The following CCND1 variants were observed in gnomAD, a reference collection of about 807,000 sequenced individuals.
CCND1 encodes cyclin D1.
A neutral mutation model predicts 26.1 loss-of-function variants in CCND1; 9 were observed. The observed-to-expected ratio is 0.35, with a 90% CI of 0.21 to 0.60. The LOEUF (loss-of-function observed/expected upper bound fraction) is 0.60. Ranked by LOEUF, CCND1 falls within the 20% of genes least tolerant of loss-of-function variation. The pLI is 0.79. For synonymous variants in CCND1, 194 were observed against 166.1 expected (o/e 1.17, Z -1.29); for missense variants, 335 against 392.9 (o/e 0.85, Z 1.25).
intron 3 of CCND1, among the ~76,000 whole-genome samples, chr11:69,644,779 T>G (rs1463558507): frequency 6.6e-6 from 1 of 152,152 alleles, no homozygotes; most frequent in Admixed American, 6.5e-5. Flanking sequence ...TGTGACCGCC[T>G]CCTTCCCTGG....
chr11:69,645,229 A>T (rs945213100), intron 3 of CCND1, among the ~76,000 whole-genome samples: 1 of 152,172 alleles, frequency 6.6e-6, no homozygotes, highest in Non-Finnish European at 1.5e-5. Flanking sequence ...GGTGCTCCTC[A>T]GAGGAGAGAG....
In CCND1 at chr11:69,651,247, T is replaced by A. The variant is rs754752470; in HGVS notation, c.853T>A (p.Cys285Ser). The change falls in exon 5 of 5, where the codon TGC becomes AGC. Residue 285 changes from cysteine (C) to serine (S), a missense_variant. Transcript: ENST00000227507. ...EEEEEEVDLA[C>S]TPTDVRDVDI is the part of the protein sequence containing the mutation. ...GGAGGAGGAGGAGGTGGACCTGGCT[T>A]GCACACCCACCGACGTGCGGGACGT... 1.3e-6 allele frequency: 2 copies of A among 1,583,678 alleles called. No homozygotes were observed. Among genetic ancestry groups the A allele is most frequent in the South Asian group, 2.3e-5 (2 of 88,230 alleles).
In CCND1 at chr11:69,653,136, C is replaced by A. The variant is rs1855875395; in HGVS notation, c.*1854C>A. On this transcript the variant is annotated 3_prime_UTR_variant, in exon 5 of 5. Coordinates refer to ENST00000227507, the MANE Select transcript of CCND1 (RefSeq NM_053056.3). ...AAGGGAGGTGGCAAGAGTGTGGAGG[C>A]TGACGTGTGAGGGAGGACAGGCGGG... The A allele has an allele frequency of 3.4e-6, 2 of 583,182 alleles. No individual in the cohort carries two copies. The highest frequency in any genetic ancestry group is 5.7e-4 in the Middle Eastern group (2 of 3,538). The allele number at this position is 583,182 out of a possible 1,614,324, so 36.1% of individuals were successfully genotyped here.
intron 2 of CCND1, 79 bp from the exon 3 acceptor site, chr11:69,643,753 G>C (rs1052003112): frequency 1.4e-6 from 2 of 1,427,294 alleles, no homozygotes; most frequent in Non-Finnish European, 9.6e-7. Flanking sequence ...GGCGTGGCCC[G>C]GCCCCCGTGC....
intron 2 of CCND1, 79 bp from the exon 3 acceptor site, chr11:69,643,753 G>A (rs1052003112): frequency 2.1e-6 from 3 of 1,427,290 alleles, no homozygotes; most frequent in Non-Finnish European, 2.9e-6. Context: ...GGCGTGGCCC[G>A]GCCCCCGTGC....
chr11:69,651,524 G>A lies in CCND1; in HGVS notation c.*242G>A, dbSNP rs1204132747. On this transcript the variant is annotated 3_prime_UTR_variant, in exon 5 of 5. Coordinates refer to ENST00000227507, the MANE Select transcript of CCND1 (RefSeq NM_053056.3). ...GAGAGAGAAAAAAAAAATAGTATTT[G>A]CATAACCCTGAGCGGTGGGGGAGGA... The A allele has an allele frequency of 4.9e-6, 2 of 407,476 alleles. No homozygotes were observed. Among genetic ancestry groups the A allele is most frequent in the Non-Finnish European group, 8.7e-6 (2 of 230,922 alleles). 25.2% of individuals were successfully genotyped at this position (407,476 alleles called of 1,614,324 possible).
rs748632355 is a variant in CCND1 at position 69,641,498 on chromosome 11, C to T, written c.185C>T (p.Thr62Ile). The change falls in exon 1 of 5, where the codon ACC (threonine) becomes ATC (isoleucine). Residue 62 changes from threonine to isoleucine, a missense_variant. Thr to Ile is a moderately conservative substitution (Grantham distance 89, BLOSUM62 -1). Coordinates refer to ENST00000227507, the MANE Select transcript of CCND1 (RefSeq NM_053056.3). ...VLPSMRKIVA[T>I]WMLEVCEEQK... The stretch of plus-strand genomic sequence containing the variant: ...CCGTCCATGCGGAAGATCGTCGCCA[C>T]CTGGATGCTGGAGGTGCGGGGCTTC... 6.2e-7 allele frequency: 1 copy of T among 1,613,134 alleles called. No individual in the cohort carries two copies. Among genetic ancestry groups the T allele is most frequent in the Admixed American group, 1.7e-5 (1 of 60,016 alleles).
chr11:69,643,187 C>A lies in CCND1; in HGVS notation c.355C>A (p.Leu119Met). Residue 119 changes from leucine (L) to methionine (M), a missense_variant, in exon 2 of 5, where the codon CTG becomes ATG. By Grantham distance (15) the Leu-to-Met change is conservative (BLOSUM62 2). Transcript: ENST00000227507. ...CTCTAAGATGAAGGAGACCATCCCCCTGACGGCCGAGAAGCTGTGCATCTA... is the reference window on the plus strand; with the variant it reads ...CTCTAAGATGAAGGAGACCATCCCCATGACGGCCGAGAAGCTGTGCATCTA... ...VASKMKETIPLTAEKLCIYTD... is the reference protein window; with the variant it reads ...VASKMKETIPMTAEKLCIYTD... 1 of 1,606,726 alleles carries A rather than the reference C, an allele frequency of 6.2e-7. No homozygotes were observed. Among genetic ancestry groups the A allele is most frequent in the Non-Finnish European group, 8.5e-7 (1 of 1,176,928 alleles).
At chr11:69,643,755 C>A (rs1682652834) in intron 2 of CCND1, 77 bp from the exon 3 acceptor site, 1 of 1,436,366 alleles carries the variant, frequency 7.0e-7, no homozygotes, top group Non-Finnish European at 9.5e-7. Flanking sequence ...CGTGGCCCGG[C>A]CCCCGTGCTG....
In CCND1 at chr11:69,641,297, C is replaced by T. The variant is rs1045766762; in HGVS notation, c.-17C>T. On this transcript the variant is annotated 5_prime_UTR_variant, in exon 1 of 5. Coordinates refer to ENST00000227507, the MANE Select transcript of CCND1 (RefSeq NM_053056.3). Reference sequence around the variant, plus strand: ...GGACCCACAGCCCTCCCCAGCTGCCCAGGAAGAGCCCCAGCCATGGAACAC... The same window carrying T: ...GGACCCACAGCCCTCCCCAGCTGCCTAGGAAGAGCCCCAGCCATGGAACAC... 1.2e-6 allele frequency: 2 copies of T among 1,607,880 alleles called. No homozygotes were observed.
At chr11:69,646,189 C>G (rs1323448568) in intron 3 of CCND1, among the ~76,000 whole-genome samples, 4 of 152,218 alleles carry the variant, frequency 2.6e-5, no homozygotes, top group African/African-American at 9.7e-5. Flanking sequence ...GAAGCGGTTT[C>G]TGTGTGCGGT....
At chr11:69,650,714 C>A (rs1292816018) in intron 4 of CCND1, among the ~76,000 whole-genome samples, 1 of 152,216 alleles carries the variant, frequency 6.6e-6, no homozygotes, top group African/African-American at 2.4e-5. Flanking sequence ...GAGGTTAAGT[C>A]TGAAAAGGCT....
At chr11:69,645,245 C>T (rs541214852) in intron 3 of CCND1, among the ~76,000 whole-genome samples, 156 of 152,256 alleles carry the variant, frequency 1.0e-3, no homozygotes, top group African/African-American at 3.7e-3. Context: ...GAGAGGCCTC[C>T]GGAGACTCCA....
chr11:69,643,112 G>A lies in CCND1; in HGVS notation c.280G>A (p.Val94Met), dbSNP rs774091629. 1 of 1,610,760 alleles carries A rather than the reference G, an allele frequency of 6.2e-7. No individual in the cohort carries two copies. Among genetic ancestry groups the A allele is most frequent in the Non-Finnish European group, 8.5e-7 (1 of 1,178,922 alleles). The change falls in exon 2 of 5, where the codon GTG becomes ATG. Residue 94 changes from valine (V) to methionine (M), a missense_variant. Physicochemically the swap from Val to Met is conservative, Grantham distance 21. Transcript: ENST00000227507. ...YLDRFLSLEP[V>M]KKSRLQLLGA... ...GGACCGCTTCCTGTCGCTGGAGCCC[G>A]TGAAAAAGAGCCGCCTGCAGCTGCT... is the stretch of plus-strand genomic sequence containing the variant.
At chr11:69,642,678 GC>G (rs1453740472) in intron 1 of CCND1, among the ~76,000 whole-genome samples, 1 of 152,098 alleles carries the variant, frequency 6.6e-6, no homozygotes, top group East Asian at 1.9e-4. Flanking sequence ...CCGTTCCGCG[GC>G]CCCGCACCCC....
rs1011036205 is a variant in CCND1 at position 69,643,419 on chromosome 11, G to T, written c.414+173G>T. 31 of 523,972 alleles carry T rather than the reference G, an allele frequency of 5.9e-5. 1 individual carries two copies. In the East Asian group the frequency reaches 7.0e-4, roughly 12 times the overall value. 32.5% of individuals were successfully genotyped at this position (523,972 alleles called of 1,614,324 possible). A position where few individuals can be genotyped will look rare whatever the true frequency, so the allele number is the denominator to read the frequency against. On this transcript the variant is annotated intron_variant, in intron 2 of 4. Coordinates refer to ENST00000227507, the MANE Select transcript of CCND1 (RefSeq NM_053056.3). Reference sequence around the variant, plus strand: ...CCGGGGAGCGGGCGGGATCCTAGCCGCCCTCGTCCCGCCGCCCTGTGTGCG... The same window carrying T: ...CCGGGGAGCGGGCGGGATCCTAGCCTCCCTCGTCCCGCCGCCCTGTGTGCG...
At chr11:69,646,165 T>C (rs1205649518) in intron 3 of CCND1, among the ~76,000 whole-genome samples, 1 of 152,212 alleles carries the variant, frequency 6.6e-6, no homozygotes, top group Non-Finnish European at 1.5e-5. Context: ...AGCTAGAACC[T>C]GTCGCTCCCT....
chr11:69,643,977 C>T lies in CCND1; in HGVS notation c.560C>T (p.Ala187Val), dbSNP rs1252289930. ...IIRKHAQTFV[A>V]LCATDVKFIS... ...CGCAAACACGCGCAGACCTTCGTTG[C>T]CCTCTGTGCCACAGGTAGGGCAGGC... Residue 187 changes from alanine to valine, a missense_variant, in exon 3 of 5, where the codon GCC becomes GTC. Transcript: ENST00000227507. The T allele has an allele frequency of 1.2e-6, 2 of 1,613,362 alleles. No individual in the cohort carries two copies. The highest frequency in any genetic ancestry group is 1.1e-5 in the South Asian group (1 of 91,086).
chr11:69,647,953 C>T (rs200754294), intron 3 of CCND1, 41 bp from the exon 4 acceptor site: 4 of 1,609,416 alleles, frequency 2.5e-6, no homozygotes, highest in Non-Finnish European at 3.4e-6. Flanking sequence ...CTGAGAGGGT[C>T]CCCTGCTCAC....
Sources: gnomAD v4.1 joint callset for allele counts (sites outside exome capture counted in the v4.1 genomes callset) on GRCh38, gnomAD v4.1.1 for gene constraint, MANE v1.5 for transcripts, NCBI Gene and HGNC (gene_info 2026-07-23, HGNC 2026-07-21) for gene names.